Variants in PTPRA observed in about 807,000 individuals in gnomAD.
PTPRA encodes the protein receptor-type tyrosine-protein phosphatase alpha.
PTPRA carries 25 observed loss-of-function variants against 104.8 expected under a neutral mutation model. The ratio of observed to expected loss-of-function variants is 0.24; its 90% CI spans 0.17 to 0.33. The LOEUF (loss-of-function observed/expected upper bound fraction) is 0.33, where lower values mean the gene tolerates loss of function less well. Among genes scored for constraint, PTPRA ranks in the 10% least tolerant of loss-of-function variants. The pLI, the probability that PTPRA is intolerant of heterozygous loss-of-function variation, is 1.00. For synonymous variants in PTPRA, 323 were observed against 368.9 expected, an observed-to-expected ratio of 0.88 and a Z score of 1.43; for missense variants, 765 against 1,015.3, an observed-to-expected ratio of 0.75 and a Z score of 3.35.
At position 2,952,062 on chromosome 20, in the gene PTPRA, G is replaced by A. The variant is rs149862474; in HGVS notation, c.-7+4038G>A. 1.3e-3 allele frequency among the ~76,000 whole-genome samples: 202 copies of A among 151,986 alleles called. 1 individual carries two copies. Among genetic ancestry groups the A allele is most frequent in the African/African-American group, 4.5e-3 (185 of 41,502 alleles). On this transcript the variant is annotated intron_variant, in intron 3 of 23. Coordinates refer to ENST00000399903, the MANE Select transcript of PTPRA (RefSeq NM_001385305.1). ...TTGAACCCAGGAGGCAGAGGTTGCG[G>A]TGAGCCAAGATTGCACCACGGCACT...
chr20:2,936,325 C>T (rs1047717455), intron 2 of PTPRA, among the ~76,000 whole-genome samples: 1 of 151,766 alleles, frequency 6.6e-6, no homozygotes, highest in Non-Finnish European at 1.5e-5. Flanking sequence ...ATAGTTGGGT[C>T]TTTTCTTTTC....
intron 3 of PTPRA, among the ~76,000 whole-genome samples, chr20:2,953,637 T>A (rs1401652356): frequency 6.6e-6 from 1 of 151,682 alleles, no homozygotes; most frequent in African/African-American, 2.4e-5. Context: ...AGACAGAATC[T>A]TGCTGTGTTG....
intron 1 of PTPRA, among the ~76,000 whole-genome samples, chr20:2,911,869 G>A (rs892012019): frequency 3.9e-5 from 6 of 152,026 alleles, no homozygotes; most frequent in East Asian, 1.9e-4. Flanking sequence ...ATACTAAAAC[G>A]GAAGTCAGTG....
rs910414047 is a variant in PTPRA at position 2,896,962 on chromosome 20, G to GT, written c.-129+23203dup. ...TTTTTGAAGAGTAGAGAATTATTTT[G>GT]TAGCAAGTCCCACAATTTGGGTTAG... On this transcript the variant is annotated intron_variant, in intron 1 of 23. Transcript: ENST00000399903. Among the ~76,000 whole-genome samples the GT allele has an allele frequency of 8.4e-4, 128 of 152,254 alleles. 1 individual carries two copies. The highest frequency in any genetic ancestry group is 2.7e-3 in the African/African-American group (111 of 41,540).
intron 12 of PTPRA, among the ~76,000 whole-genome samples, 156 bp downstream of exon 12, chr20:3,016,041 C>G (rs1273228855): frequency 6.6e-6 from 1 of 152,204 alleles, no homozygotes; most frequent in African/African-American, 2.4e-5. Flanking sequence ...TACAGGTTTA[C>G]AGCTAACAGC....
At chr20:2,951,461 T>C (rs2147800201) in intron 3 of PTPRA, among the ~76,000 whole-genome samples, 1 of 152,292 alleles carries the variant, frequency 6.6e-6, no homozygotes, top group Middle Eastern at 3.4e-3. Flanking sequence ...AATAACTCAC[T>C]CATAATCTAG....
intron 4 of PTPRA, 84 bp from the exon 5 acceptor site, chr20:2,964,777 T>C (rs562352656): frequency 8.1e-7 from 1 of 1,236,098 alleles, no homozygotes; most frequent in African/African-American, 1.5e-5. Flanking sequence ...TTTGAGAGTT[T>C]ATTAAGGCTT....
intron 5 of PTPRA, among the ~76,000 whole-genome samples, chr20:2,973,012 A>G (rs1397317032): frequency 2.0e-5 from 3 of 152,148 alleles, no homozygotes; most frequent in Non-Finnish European, 4.4e-5. Context: ...GAGCCACCAC[A>G]TCTGGCCATT....
intron 1 of PTPRA, among the ~76,000 whole-genome samples, chr20:2,890,346 T>C (rs1008936533): frequency 6.6e-6 from 1 of 152,200 alleles, no homozygotes; most frequent in East Asian, 1.9e-4. Flanking sequence ...CCTGCCATGC[T>C]TTTTGTGAAC....
At chr20:3,023,709 T>G (rs185779371) in intron 16 of PTPRA, among the ~76,000 whole-genome samples, 1 of 152,326 alleles carries the variant, frequency 6.6e-6, no homozygotes, top group Admixed American at 6.5e-5. Flanking sequence ...ATAGTAGAGA[T>G]AGTGATCAAT....
At chr20:3,031,320 A>G (rs1192207073) in intron 20 of PTPRA, among the ~76,000 whole-genome samples, 2 of 151,656 alleles carry the variant, frequency 1.3e-5, no homozygotes, top group Admixed American at 6.6e-5. Flanking sequence ...TTAAGATGCT[A>G]TTATCTAGAG....
chr20:3,023,856 C>T (rs759310346), intron 16 of PTPRA, among the ~76,000 whole-genome samples: 112 of 152,314 alleles, frequency 7.4e-4, no homozygotes, highest in Non-Finnish European at 1.4e-3. Flanking sequence ...TCCCACCTGA[C>T]GAGAAACATC....
At chr20:2,995,109 G>A (rs1238173366) in intron 9 of PTPRA, among the ~76,000 whole-genome samples, 1 of 152,112 alleles carries the variant, frequency 6.6e-6, no homozygotes, top group Non-Finnish European at 1.5e-5. Context: ...CAGCCTGGGG[G>A]ACAGAACAAG....
chr20:3,018,025 A>G (rs1413983634), intron 13 of PTPRA, 112 bp downstream of exon 13: 20 of 885,200 alleles, frequency 2.3e-5, no homozygotes, highest in Non-Finnish European at 3.4e-5. Flanking sequence ...TTCATCCAGA[A>G]AGACACAGGC....
chr20:2,952,926 A>G (rs1174539307), intron 3 of PTPRA, among the ~76,000 whole-genome samples: 1 of 152,196 alleles, frequency 6.6e-6, no homozygotes, highest in Admixed American at 6.5e-5. Flanking sequence ...CATCCTATGT[A>G]TATACCACAT....
At chr20:2,922,908 T>C (rs1051003221) in intron 1 of PTPRA, among the ~76,000 whole-genome samples, 2 of 152,100 alleles carry the variant, frequency 1.3e-5, no homozygotes, top group Non-Finnish European at 2.9e-5. Context: ...GTGCTGGGAT[T>C]ACAGGCATGA....
intron 9 of PTPRA, among the ~76,000 whole-genome samples, chr20:2,989,881 G>A (rs918983889): frequency 5.3e-5 from 8 of 152,164 alleles, no homozygotes; most frequent in African/African-American, 1.9e-4. Context: ...GCTGGGCATG[G>A]TGGTGGGCAC....
chr20:2,970,891 A>T (rs935398847), intron 5 of PTPRA, among the ~76,000 whole-genome samples: 5 of 152,042 alleles, frequency 3.3e-5, no homozygotes, highest in African/African-American at 1.2e-4. Context: ...GTTTTTCCCC[A>T]AATATCTAAC....
At chr20:3,009,226 A>C (rs1055651886) in intron 11 of PTPRA, among the ~76,000 whole-genome samples, 2 of 152,000 alleles carry the variant, frequency 1.3e-5, no homozygotes, top group Non-Finnish European at 2.9e-5. Context: ...GAGAAAGCAA[A>C]GGACATGTCT....
Sources: gnomAD v4.1 joint callset for allele counts (sites outside exome capture counted in the v4.1 genomes callset) on GRCh38, gnomAD v4.1.1 for gene constraint, MANE v1.5 for transcripts, NCBI Gene and HGNC (gene_info 2026-07-23, HGNC 2026-07-21) for gene names.